NCALD: variants seen among roughly 807,000 people sequenced by gnomAD.
NCALD encodes neurocalcin-delta.
In NCALD, 10 loss-of-function variants were observed where a neutral mutation model predicts 18.6. The ratio of observed to expected loss-of-function variants is 0.54; its 90% CI spans 0.33 to 0.91. The LOEUF is 0.91. Among genes scored for constraint, NCALD ranks in the 40% least tolerant of loss-of-function variants. The pLI, the probability that NCALD is intolerant of heterozygous loss-of-function variation, is 0.03. For synonymous variants in NCALD, 88 were observed against 87.4 expected (o/e 1.01, Z -0.04); for missense variants, 184 against 247.6 (o/e 0.74, Z 1.72).
intron 2 of NCALD, among the ~76,000 whole-genome samples, chr8:101,968,028 TGATTGGTTGCCCCTTAA>T (rs1243363706): frequency 6.6e-6 from 1 of 152,140 alleles, no homozygotes; most frequent in Non-Finnish European, 1.5e-5. Context: ...AAACAGAATA[TGATTGGTTGCCCCTTAA>T]GAGGTGTTAA....
intron 4 of NCALD, among the ~76,000 whole-genome samples, chr8:101,828,864 A>G (rs1444340228): frequency 6.6e-6 from 1 of 151,992 alleles, no homozygotes; most frequent in Non-Finnish European, 1.5e-5. Flanking sequence ...TGTTTTGTAT[A>G]ACCACCATCT....
rs570068188 is a variant in NCALD at position 101,705,386 on chromosome 8, T to C, written c.379-12490A>G. Among the ~76,000 whole-genome samples, 113 of 152,252 alleles carry C rather than the reference T, an allele frequency of 7.4e-4. 1 individual carries two copies. Among genetic ancestry groups the C allele is most frequent in the African/African-American group, 2.6e-3 (109 of 41,540 alleles). Reference sequence around the variant, plus strand: ...TCTGGCATCAGTGGGGAAAACCGAATTGGGGAAGGACCTGATCGGAGGCAG... The same window carrying C: ...TCTGGCATCAGTGGGGAAAACCGAACTGGGGAAGGACCTGATCGGAGGCAG... On this transcript the variant is annotated intron_variant, in intron 2 of 3. Transcript: ENST00000220931.
At chr8:102,034,092 G>C (rs192839124) in intron 1 of NCALD, among the ~76,000 whole-genome samples, 81 of 151,964 alleles carry the variant, frequency 5.3e-4, no homozygotes, top group East Asian at 4.2e-3. Flanking sequence ...TAGCAACTAT[G>C]TGTATTTTCT....
intron 2 of NCALD, 34 bp downstream of exon 2, chr8:101,719,218 G>A (rs774790857): frequency 6.3e-7 from 1 of 1,592,332 alleles, no homozygotes; most frequent in Non-Finnish European, 8.5e-7. Flanking sequence ...TGAGATACAT[G>A]CCCTTCTTTT....
chr8:101,911,101 T>C (rs16868741), intron 3 of NCALD, among the ~76,000 whole-genome samples: 7,025 of 152,302 alleles, frequency 0.046, 260 homozygotes, highest in African/African-American at 0.1. Flanking sequence ...AGGTAAGCTC[T>C]GACCTTTATC....
intron 2 of NCALD, among the ~76,000 whole-genome samples, chr8:101,943,880 G>A (rs1819057916): frequency 6.6e-6 from 1 of 152,030 alleles, no homozygotes; most frequent in African/African-American, 2.4e-5. Flanking sequence ...GGCGGAGGTT[G>A]CAGTGAGCCG....
upstream of NCALD, among the ~76,000 whole-genome samples, chr8:101,795,198 C>CA (rs1015156106): frequency 2.2e-4 from 34 of 152,200 alleles, no homozygotes; most frequent in African/African-American, 7.9e-4. Context: ...ACTGAAATAA[C>CA]AAAAATAGCT....
chr8:101,923,700 T>G (rs1200614961), intron 2 of NCALD, among the ~76,000 whole-genome samples: 1 of 152,266 alleles, frequency 6.6e-6, no homozygotes, highest in East Asian at 1.9e-4. Flanking sequence ...AAGGTTTTTT[T>G]AAAGGGACTT....
chr8:101,957,296 T>TG (rs1819668584), intron 2 of NCALD, among the ~76,000 whole-genome samples: 1 of 144,036 alleles, frequency 6.9e-6, no homozygotes, highest in African/African-American at 2.7e-5. Context: ...GGGGTTTTTT[T>TG]TTTTTTTTTT....
At chr8:101,967,866 C>CAT (rs1397459474) in intron 2 of NCALD, among the ~76,000 whole-genome samples, 6 of 151,328 alleles carry the variant, frequency 4.0e-5, no homozygotes, top group Non-Finnish European at 8.8e-5. Flanking sequence ...CACACACACA[C>CAT]ATGCACTCAC....
chr8:102,060,870 G>A (rs1186969969), intron 1 of NCALD, among the ~76,000 whole-genome samples: 1 of 152,116 alleles, frequency 6.6e-6, no homozygotes, highest in Non-Finnish European at 1.5e-5. Context: ...CAAACAATAT[G>A]GTTAACACTT....
chr8:101,860,508 G>A (rs901208346), intron 4 of NCALD, among the ~76,000 whole-genome samples: 3 of 152,194 alleles, frequency 2.0e-5, no homozygotes, highest in African/African-American at 4.8e-5. Flanking sequence ...CCCTTACTGA[G>A]AAAATTGTTC....
At chr8:101,955,084 A>C (rs1819572654) in intron 2 of NCALD, among the ~76,000 whole-genome samples, 1 of 152,202 alleles carries the variant, frequency 6.6e-6, no homozygotes, top group Admixed American at 6.5e-5. Context: ...TCCCCTTCAG[A>C]TCACTGCTGT....
intron 1 of NCALD, among the ~76,000 whole-genome samples, chr8:102,055,251 GAA>G (rs753316443): frequency 4.6e-5 from 5 of 109,316 alleles, no homozygotes; most frequent in African/African-American, 9.7e-5. Context: ...TTCATGATAT[GAA>G]AAAAAAAAAA....
intron 4 of NCALD, among the ~76,000 whole-genome samples, chr8:101,834,307 C>G (rs563373763): frequency 6.6e-6 from 1 of 152,270 alleles, no homozygotes; most frequent in Non-Finnish European, 1.5e-5. Flanking sequence ...GCTGGCCTCA[C>G]CCAGCTGCCC....
intron 2 of NCALD, among the ~76,000 whole-genome samples, chr8:101,991,352 C>T (rs1424058914): frequency 6.6e-6 from 1 of 152,034 alleles, no homozygotes; most frequent in Non-Finnish European, 1.5e-5. Flanking sequence ...GAGCAGCAAG[C>T]AGGATGAGAA....
At chr8:101,809,203 G>A (rs973590895) in intron 4 of NCALD, among the ~76,000 whole-genome samples, 19 of 152,182 alleles carry the variant, frequency 1.2e-4, no homozygotes, top group African/African-American at 4.6e-4. Context: ...TGCAAAGACT[G>A]TTTAAAGTCT....
At position 101,692,897 on chromosome 8, in the gene NCALD, C is replaced by G. The variant is rs1240672613; in HGVS notation, c.379-1G>C. 3 of 1,610,102 alleles carry G rather than the reference C, an allele frequency of 1.9e-6. No individual in the cohort carries two copies. The highest frequency in any genetic ancestry group is 2.6e-6 in the Non-Finnish European group (3 of 1,176,464). On this transcript the variant is annotated splice_acceptor_variant, in intron 2 of 3. Transcript: ENST00000220931. LOFTEE classifies it high-confidence loss of function. ...CAGAGGAAACCATCTTATAGATTGC[C>G]TGGGGACAGAAGCGACATGGTGGTA...
intron 4 of NCALD, among the ~76,000 whole-genome samples, chr8:101,873,690 C>T (rs16868629): frequency 0.042 from 6,423 of 152,118 alleles, 424 homozygotes; most frequent in African/African-American, 0.14. Context: ...ATGACTTGGA[C>T]CTAGGAAGAA....
Sources: allele counts gnomAD v4.1 joint callset (sites outside exome capture counted in the v4.1 genomes callset), GRCh38; gene constraint gnomAD v4.1.1; transcripts MANE v1.5; gene names NCBI Gene and HGNC (gene_info 2026-07-23, HGNC 2026-07-21).